Variants in KIAA1217 observed in about 807,000 individuals in gnomAD.
KIAA1217 encodes sickle tail protein homolog.
Under a neutral mutation model 163.9 loss-of-function variants are expected in KIAA1217, and 88 were observed. That is an observed-to-expected ratio of 0.54 (90% CI 0.45 to 0.64). KIAA1217 has a LOEUF of 0.64. Among genes scored for constraint, KIAA1217 ranks in the 30% least tolerant of loss-of-function variants. The probability of loss-of-function intolerance (pLI) is 0.00; values close to 1 mark genes in which losing one functional copy is unlikely to be tolerated. For missense variants in KIAA1217, 2,372 were observed against 2,475.0 expected, an observed-to-expected ratio of 0.96 and a Z score of 0.88; for synonymous variants, 903 against 923.1, an observed-to-expected ratio of 0.98 and a Z score of 0.39.
Position 23,994,053 on chromosome 10 carries a change from A to G in KIAA1217, c.-320-13172A>G, listed in dbSNP as rs188085771. ...TAGCAAGTACCAAGGCTTAGCGACT[A>G]CTCTAGCTTGTGAGCAGATCTGGGG... On this transcript the variant is annotated intron_variant, in intron 1 of 18. Coordinates refer to the KIAA1217 transcript ENST00000376462. Among the ~76,000 whole-genome samples, 54 of 152,152 alleles carry G rather than the reference A, an allele frequency of 3.5e-4. No individual in the cohort carries two copies. The South Asian group carries it at 9.5e-3, about 27-fold the overall frequency.
At chr10:24,226,402 A>G (rs1053755705) in intron 2 of KIAA1217, among the ~76,000 whole-genome samples, 1 of 152,092 alleles carries the variant, frequency 6.6e-6, no homozygotes, top group Admixed American at 6.5e-5. Flanking sequence ...TAAGGCGGGC[A>G]GATCACGAGG....
intron 2 of KIAA1217, among the ~76,000 whole-genome samples, chr10:24,148,633 C>G (rs1027215642): frequency 2.0e-5 from 3 of 152,150 alleles, no homozygotes; most frequent in African/African-American, 7.2e-5. Context: ...ATGTGATATG[C>G]CGGCTTCCCC....
chr10:24,351,868 T>C (rs1166861592), intron 2 of KIAA1217, among the ~76,000 whole-genome samples: 1 of 152,170 alleles, frequency 6.6e-6, no homozygotes, highest in African/African-American at 2.4e-5. Context: ...GGGCTCCCAG[T>C]TCCCCTAACA....
chr10:23,739,427 G>A (rs906262519), intron 1 of KIAA1217, among the ~76,000 whole-genome samples: 2 of 152,144 alleles, frequency 1.3e-5, no homozygotes, highest in African/African-American at 4.8e-5. Flanking sequence ...AGGAAACAGA[G>A]CATTCCAGGT....
intron 2 of KIAA1217, among the ~76,000 whole-genome samples, chr10:24,345,074 G>T (rs796360568): frequency 6.6e-6 from 1 of 152,290 alleles, no homozygotes; most frequent in Admixed American, 6.5e-5. Context: ...GACAAAAGGG[G>T]TATATAGTCT....
chr10:23,983,347 G>A (rs1845846311), intron 1 of KIAA1217, among the ~76,000 whole-genome samples: 1 of 152,134 alleles, frequency 6.6e-6, no homozygotes, highest in African/African-American at 2.4e-5. Context: ...AATTTATCAA[G>A]AAAAGAAGTT....
intron 2 of KIAA1217, among the ~76,000 whole-genome samples, chr10:24,046,515 C>T (rs570699569): frequency 2.8e-4 from 43 of 152,154 alleles, no homozygotes; most frequent in African/African-American, 9.4e-4. Context: ...ACAGTCATGG[C>T]GGAAGACGAA....
intron 9 of KIAA1217, 28 bp downstream of exon 9, chr10:24,501,573 C>A (rs751514519): frequency 1.3e-6 from 2 of 1,599,016 alleles, no homozygotes; most frequent in South Asian, 1.1e-5. Flanking sequence ...CGGCCTCTGT[C>A]TCGGTTGCCC....
intron 2 of KIAA1217, among the ~76,000 whole-genome samples, chr10:24,364,454 T>C (rs532389409): frequency 6.0e-4 from 92 of 152,276 alleles, no homozygotes; most frequent in African/African-American, 2.0e-3. Context: ...TGGAACCTAC[T>C]GAGAAGCGAA....
intron 2 of KIAA1217, among the ~76,000 whole-genome samples, chr10:24,100,428 G>A (rs1413929555): frequency 6.6e-6 from 1 of 152,176 alleles, no homozygotes; most frequent in Non-Finnish European, 1.5e-5. Flanking sequence ...TACTTTGGGT[G>A]TGAAAATTAT....
At chr10:23,850,837 G>A (rs1465276112) in intron 1 of KIAA1217, among the ~76,000 whole-genome samples, 1 of 151,966 alleles carries the variant, frequency 6.6e-6, no homozygotes, top group Non-Finnish European at 1.5e-5. Context: ...AGGGGAAGCA[G>A]GCACATCTTA....
chr10:24,393,645 T>C (rs1282971247), intron 3 of KIAA1217, among the ~76,000 whole-genome samples: 2 of 152,214 alleles, frequency 1.3e-5, no homozygotes, highest in African/African-American at 2.4e-5. Flanking sequence ...GAGGTGATTA[T>C]GTTAAAATGA....
intron 3 of KIAA1217, among the ~76,000 whole-genome samples, chr10:24,422,613 A>G (rs1266295122): frequency 6.6e-6 from 1 of 152,230 alleles, no homozygotes; most frequent in Non-Finnish European, 1.5e-5. Context: ...GGATCACAGC[A>G]CTGGAAATCA....
chr10:24,452,444 C>G (rs1419540397), intron 5 of KIAA1217, among the ~76,000 whole-genome samples: 2 of 150,898 alleles, frequency 1.3e-5, no homozygotes, highest in Non-Finnish European at 2.9e-5. Context: ...GAGGCCGAGG[C>G]GGGCGGATCA....
At chr10:23,949,797 G>C (rs1489919841) in intron 1 of KIAA1217, among the ~76,000 whole-genome samples, 2 of 152,146 alleles carry the variant, frequency 1.3e-5, no homozygotes, top group African/African-American at 4.8e-5. Flanking sequence ...GAACTTCTTT[G>C]TAATTAAATG....
At chr10:24,194,863 C>T (rs1332312392) in intron 2 of KIAA1217, among the ~76,000 whole-genome samples, 1 of 151,330 alleles carries the variant, frequency 6.6e-6, no homozygotes, top group Admixed American at 6.6e-5. Context: ...CAGCCTTGGC[C>T]TCCCAAAATA....
intron 2 of KIAA1217, among the ~76,000 whole-genome samples, chr10:24,233,561 A>C (rs1461335962): frequency 6.6e-6 from 1 of 152,216 alleles, no homozygotes; most frequent in Non-Finnish European, 1.5e-5. Flanking sequence ...TATTTAATTT[A>C]GTATTGAATT....
chr10:24,445,440 G>T (rs2060839294), intron 5 of KIAA1217, among the ~76,000 whole-genome samples: 1 of 151,858 alleles, frequency 6.6e-6, no homozygotes, highest in South Asian at 2.1e-4. Flanking sequence ...GTGCAGGTTT[G>T]TTACATATGT....
At chr10:23,854,379 C>T (rs1240937503) in intron 1 of KIAA1217, among the ~76,000 whole-genome samples, 1 of 152,062 alleles carries the variant, frequency 6.6e-6, no homozygotes, top group Non-Finnish European at 1.5e-5. Context: ...GTCTGAGAGA[C>T]AGTTTGTTAT....
Sources: gnomAD v4.1 joint callset for allele counts (sites outside exome capture counted in the v4.1 genomes callset) on GRCh38, gnomAD v4.1.1 for gene constraint, MANE v1.5 for transcripts, NCBI Gene and HGNC (gene_info 2026-07-23, HGNC 2026-07-21) for gene names.